DCDC1: variants seen among roughly 807,000 people sequenced by gnomAD.
The protein encoded by DCDC1 is doublecortin domain containing 1, also known as doublecortin domain-containing protein 1.
DCDC1 carries 200 observed loss-of-function variants against 178.3 expected under a neutral mutation model. The ratio of observed to expected loss-of-function variants is 1.12; its 90% CI spans 1.00 to 1.26. The LOEUF (loss-of-function observed/expected upper bound fraction) is 1.26, where lower values mean the gene tolerates loss of function less well. Ranked by LOEUF, DCDC1 falls within the 50% of genes most tolerant of loss-of-function variation. DCDC1 has a pLI of 0.00. For synonymous variants in DCDC1, 690 were observed against 604.8 expected (o/e 1.14, Z -2.07); for missense variants, 1,983 against 1,749.2 (o/e 1.13, Z -2.38).
At chr11:31,269,949 T>A (rs1173019837) in intron 7 of DCDC1, among the ~76,000 whole-genome samples, 1 of 152,166 alleles carries the variant, frequency 6.6e-6, no homozygotes, top group African/African-American at 2.4e-5. Context: ...TAGGCCAACA[T>A]CACCGTAGGT....
intron 9 of DCDC1, among the ~76,000 whole-genome samples, chr11:31,206,198 T>G (rs1387049866): frequency 6.6e-6 from 1 of 152,210 alleles, no homozygotes; most frequent in Non-Finnish European, 1.5e-5. Flanking sequence ...CATAGATTAC[T>G]TGTGGTTAAA....
chr11:31,045,110 ATATC>A lies in DCDC1; in HGVS notation c.2591+19355_2591+19358del, dbSNP rs1458457303. On this transcript the variant is annotated intron_variant, in intron 20 of 38. Transcript: ENST00000684477. ...ATCTTATGTCTTATATATACTTTAT[ATATC>A]TATTTGTAGTCTCATAAATATACTT... is the stretch of plus-strand genomic sequence containing the variant. Among the ~76,000 whole-genome samples the A allele has an allele frequency of 1.8e-4, 28 of 152,234 alleles. No homozygotes were observed. In the South Asian group the frequency reaches 5.2e-3, roughly 28 times the overall value.
intron 9 of DCDC1, among the ~76,000 whole-genome samples, chr11:31,212,952 TGAA>T (rs1024116087): frequency 1.3e-5 from 2 of 152,126 alleles, no homozygotes; most frequent in Admixed American, 1.3e-4. Flanking sequence ...GTGTACTACG[TGAA>T]GAAGAAATTC....
chr11:31,024,343 C>A (rs530420926), intron 20 of DCDC1, among the ~76,000 whole-genome samples: 11 of 151,998 alleles, frequency 7.2e-5, no homozygotes, highest in South Asian at 4.1e-4. Context: ...CAACGATTAT[C>A]TACAGGTCTC....
At chr11:30,943,363 T>TC (rs1399187157) in intron 21 of DCDC1, 2 of 189,212 alleles carry the variant, frequency 1.1e-5, no homozygotes, top group African/African-American at 4.8e-5. Context: ...ACGTCTCCTT[T>TC]TCCCCCCTCT....
chr11:31,113,165 C>T (rs955463829), intron 11 of DCDC1, among the ~76,000 whole-genome samples: 37 of 152,098 alleles, frequency 2.4e-4, no homozygotes, highest in African/African-American at 7.7e-4. Flanking sequence ...AAAGCTGACA[C>T]GTAGCAAAAA....
chr11:31,303,974 G>A (rs1327585167), intron 6 of DCDC1, among the ~76,000 whole-genome samples: 1 of 152,196 alleles, frequency 6.6e-6, no homozygotes, highest in African/African-American at 2.4e-5. Flanking sequence ...TCAGGAATGT[G>A]TGCCAACATT....
In DCDC1 at chr11:31,102,201, C is replaced by A; in HGVS notation, c.1959G>T (p.Leu653Phe). ...CCTTGTTCTGTAGAAAATGGTTCTC[C>A]AAGTCCACCTTTTCAAACTGGTCAG... ...QIPDQFEKVD[L>F]ENHFLQNKVD... Residue 653 changes from leucine (L) to phenylalanine (F), a missense_variant, in exon 15 of 39, where the codon TTG becomes TTT. Coordinates refer to ENST00000684477, the MANE Select transcript of DCDC1 (RefSeq NM_001387274.1). 1 of 727,278 alleles carries A rather than the reference C, an allele frequency of 1.4e-6. No homozygotes were observed. The highest frequency in any genetic ancestry group is 1.5e-5 in the South Asian group (1 of 67,368). 45.1% of individuals were successfully genotyped at this position (727,278 alleles called of 1,614,324 possible).
Position 30,915,768 on chromosome 11 carries a change from C to A in DCDC1, c.3453-57G>T, listed in dbSNP as rs540532158. The A allele has an allele frequency of 3.3e-6, 5 of 1,532,292 alleles. No homozygotes were observed. The East Asian group carries it at 1.2e-4, about 37-fold the overall frequency. 94.9% of individuals were successfully genotyped at this position (1,532,292 alleles called of 1,614,324 possible). The stretch of plus-strand genomic sequence containing the variant: ...AAAATGTCCCATGCACTTGATCATG[C>A]ACTTGATGTGCTGGAGATTATAAGT... On this transcript the variant is annotated intron_variant, in intron 26 of 38. Transcript: ENST00000684477.
At chr11:31,328,945 CTTTTTTTT>C (rs1176942329) in intron 2 of DCDC1, among the ~76,000 whole-genome samples, 5 of 47,794 alleles carry the variant, frequency 1.0e-4, no homozygotes, top group South Asian at 7.9e-4. Flanking sequence ...CACCACAAGG[CTTTTTTTT>C]TTTTTTTTTT....
At chr11:31,340,562 G>C (rs1950494004) in intron 1 of DCDC1, among the ~76,000 whole-genome samples, 1 of 152,190 alleles carries the variant, frequency 6.6e-6, no homozygotes, top group Non-Finnish European at 1.5e-5. Flanking sequence ...GGTGTTTTCT[G>C]TGAAGGTGTT....
intron 36 of DCDC1, 53 bp downstream of exon 36, chr11:30,892,765 G>A (rs560230357): frequency 6.2e-7 from 1 of 1,600,862 alleles, no homozygotes; most frequent in African/African-American, 1.3e-5. Flanking sequence ...AGAAATATCA[G>A]AGCTGGGATT....
chr11:30,986,518 A>T (rs1440123484), intron 20 of DCDC1, among the ~76,000 whole-genome samples: 1 of 151,946 alleles, frequency 6.6e-6, no homozygotes, highest in East Asian at 1.9e-4. Flanking sequence ...TTTTTAGTAG[A>T]GACGGGGTTT....
intron 3 of DCDC1, among the ~76,000 whole-genome samples, chr11:31,323,487 T>C (rs1949481265): frequency 6.6e-6 from 1 of 152,232 alleles, no homozygotes; most frequent in African/African-American, 2.4e-5. Flanking sequence ...TTTGGTAGTC[T>C]CTTTGTTAAA....
intron 20 of DCDC1, among the ~76,000 whole-genome samples, chr11:30,954,314 C>T (rs901139957): frequency 3.3e-5 from 5 of 151,902 alleles, no homozygotes; most frequent in African/African-American, 1.2e-4. Context: ...CACGCCCAGC[C>T]TAAATACAAC....
intron 7 of DCDC1, among the ~76,000 whole-genome samples, chr11:31,282,297 G>A (rs1330646123): frequency 6.6e-6 from 1 of 151,668 alleles, no homozygotes; most frequent in Non-Finnish European, 1.5e-5. Flanking sequence ...CTCAGTTTTG[G>A]TAATTTATGT....
chr11:31,102,573 T>C (rs1958582489), intron 14 of DCDC1, among the ~76,000 whole-genome samples: 1 of 152,132 alleles, frequency 6.6e-6, no homozygotes, highest in Non-Finnish European at 1.5e-5. Context: ...GCCTTCTACT[T>C]CAGCATTTTC....
chr11:30,879,712 A>C (rs894494075), intron 37 of DCDC1, among the ~76,000 whole-genome samples: 4 of 152,178 alleles, frequency 2.6e-5, no homozygotes, highest in African/African-American at 9.6e-5. Flanking sequence ...AAAGAGCAAT[A>C]TTTGCATTTC....
At chr11:30,991,027 G>A (rs1227713559) in intron 20 of DCDC1, among the ~76,000 whole-genome samples, 1 of 152,162 alleles carries the variant, frequency 6.6e-6, no homozygotes, top group Non-Finnish European at 1.5e-5. Flanking sequence ...TGAGAAAGCT[G>A]TAATATTGCT....
Sources: gnomAD v4.1 joint callset for allele counts (sites outside exome capture counted in the v4.1 genomes callset) on GRCh38, gnomAD v4.1.1 for gene constraint, MANE v1.5 for transcripts, NCBI Gene and HGNC (gene_info 2026-07-23, HGNC 2026-07-21) for gene names.